RABGAP1L: variants seen among roughly 807,000 people sequenced by gnomAD.
RABGAP1L encodes RAB GTPase activating protein 1 like.
A neutral mutation model predicts 137.7 loss-of-function variants in RABGAP1L; 63 were observed. The observed-to-expected ratio is 0.46, with a 90% confidence interval of 0.37 to 0.56. The LOEUF is 0.56. Among genes scored for constraint, RABGAP1L ranks in the 20% least tolerant of loss-of-function variants. The pLI, the probability that RABGAP1L is intolerant of heterozygous loss-of-function variation, is 0.00. For missense variants in RABGAP1L, 1,095 were observed against 1,244.0 expected (o/e 0.88, Z 1.80); for synonymous variants, 431 against 433.7 (o/e 0.99, Z 0.08).
intron 1 of RABGAP1L, among the ~76,000 whole-genome samples, chr1:174,164,626 C>A (rs567143846): frequency 6.6e-6 from 1 of 152,208 alleles, no homozygotes; most frequent in Admixed American, 6.5e-5. Context: ...ATATTTACAC[C>A]AGGAAATTCA....
intron 13 of RABGAP1L, among the ~76,000 whole-genome samples, chr1:174,533,773 C>T (rs375894097): frequency 3.7e-4 from 57 of 152,044 alleles, no homozygotes; most frequent in Non-Finnish European, 6.2e-4. Flanking sequence ...TGAGTTCAAG[C>T]GATTCTCCTG....
At chr1:174,874,783 C>T (rs765982301) in intron 19 of RABGAP1L, among the ~76,000 whole-genome samples, 12 of 151,830 alleles carry the variant, frequency 7.9e-5, no homozygotes, top group Non-Finnish European at 1.3e-4. Flanking sequence ...GAGAAAATGA[C>T]GGTAGAGTGA....
At chr1:174,597,835 T>C (rs947362991) in intron 13 of RABGAP1L, among the ~76,000 whole-genome samples, 6 of 152,312 alleles carry the variant, frequency 3.9e-5, no homozygotes, top group Admixed American at 2.6e-4. Flanking sequence ...TCCAGAGATA[T>C]TGGTGTGTTG....
intron 19 of RABGAP1L, among the ~76,000 whole-genome samples, chr1:174,901,004 T>C (rs1048666805): frequency 5.9e-5 from 9 of 152,254 alleles, no homozygotes; most frequent in African/African-American, 2.2e-4. Flanking sequence ...TTTATTCTTT[T>C]TTCTCTATTC....
chr1:174,776,844 A>G (rs965531147), intron 18 of RABGAP1L, among the ~76,000 whole-genome samples: 1 of 152,226 alleles, frequency 6.6e-6, no homozygotes, highest in Admixed American at 6.5e-5. Context: ...GGAAAAATGT[A>G]GAGCCTTTTA....
At chr1:174,769,017 A>C (rs1156739939) in intron 18 of RABGAP1L, among the ~76,000 whole-genome samples, 1 of 152,030 alleles carries the variant, frequency 6.6e-6, no homozygotes, top group African/African-American at 2.4e-5. Flanking sequence ...CTGGATTACT[A>C]CTGTCACCAC....
chr1:174,261,594 AAC>A (rs1558079993), intron 7 of RABGAP1L, among the ~76,000 whole-genome samples: 1 of 152,164 alleles, frequency 6.6e-6, no homozygotes, highest in Non-Finnish European at 1.5e-5. Context: ...CTTCTCATGA[AAC>A]AGTTTTTTAG....
chr1:174,195,753 CTCTT>C (rs1316259655), intron 1 of RABGAP1L, among the ~76,000 whole-genome samples: 62 of 119,370 alleles, frequency 5.2e-4, no homozygotes, highest in East Asian at 4.3e-3. Flanking sequence ...CTTTCTTTCT[CTCTT>C]TCTCTCTTTC....
intron 12 of RABGAP1L, among the ~76,000 whole-genome samples, chr1:174,371,586 C>G (rs1234771344): frequency 1.3e-5 from 2 of 151,850 alleles, no homozygotes; most frequent in Non-Finnish European, 2.9e-5. Flanking sequence ...AAAAAGTACT[C>G]TGTTTATATT....
At chr1:174,809,154 A>G (rs990305129) in intron 18 of RABGAP1L, among the ~76,000 whole-genome samples, 13 of 152,172 alleles carry the variant, frequency 8.5e-5, no homozygotes, top group African/African-American at 3.1e-4. Flanking sequence ...ACCTTTGTAT[A>G]CTTGAGCCTC....
chr1:174,261,433 C>G (rs1470361369), intron 7 of RABGAP1L, among the ~76,000 whole-genome samples: 1 of 152,128 alleles, frequency 6.6e-6, no homozygotes, highest in African/African-American at 2.4e-5. Flanking sequence ...TGCTTGCCGG[C>G]TTGCAGCACA....
chr1:174,494,926 G>C (rs1019570536), intron 13 of RABGAP1L, among the ~76,000 whole-genome samples: 1 of 152,142 alleles, frequency 6.6e-6, no homozygotes, highest in Admixed American at 6.5e-5. Flanking sequence ...GCCAAGTCCT[G>C]CCTACTGAGG....
intron 11 of RABGAP1L, among the ~76,000 whole-genome samples, chr1:174,349,865 C>A (rs1682925713): frequency 1.4e-5 from 2 of 142,800 alleles, no homozygotes; most frequent in South Asian, 4.5e-4. Flanking sequence ...GGGCGCTGAC[C>A]CCCCCACCTC....
intron 19 of RABGAP1L, among the ~76,000 whole-genome samples, chr1:174,848,926 C>T (rs1224027032): frequency 4.0e-5 from 6 of 151,090 alleles, no homozygotes; most frequent in South Asian, 2.1e-4. Flanking sequence ...GATATAGTCT[C>T]GTGGTGCGCC....
intron 11 of RABGAP1L, among the ~76,000 whole-genome samples, chr1:174,343,732 T>TG (rs1419395716): frequency 2.6e-5 from 4 of 152,084 alleles, no homozygotes; most frequent in Non-Finnish European, 5.9e-5. Context: ...GGAAGAGCCA[T>TG]GAAAAATCAT....
intron 13 of RABGAP1L, among the ~76,000 whole-genome samples, chr1:174,534,802 A>AAAAAAAAAAAAAAAAAAT (rs1553324953): frequency 2.2e-5 from 3 of 137,264 alleles, no homozygotes; most frequent in East Asian, 2.1e-4. Flanking sequence ...AAAAAAAAAA[A>AAAAAAAAAAAAAAAAAAT]AATAATTAGA....
chr1:174,534,802 A>AAAAAAAAAAAAAAT (rs1553324953), intron 13 of RABGAP1L, among the ~76,000 whole-genome samples: 7 of 137,310 alleles, frequency 5.1e-5, no homozygotes, highest in South Asian at 2.2e-4. Context: ...AAAAAAAAAA[A>AAAAAAAAAAAAAAT]AATAATTAGA....
intron 17 of RABGAP1L, among the ~76,000 whole-genome samples, chr1:174,731,247 C>G (rs1428621851): frequency 1.3e-5 from 2 of 152,188 alleles, no homozygotes; most frequent in African/African-American, 4.8e-5. Context: ...GCTGGGAATA[C>G]AAGCGTGAGC....
chr1:174,191,324 G>C (rs978396191), intron 1 of RABGAP1L, among the ~76,000 whole-genome samples: 3 of 151,934 alleles, frequency 2.0e-5, no homozygotes, highest in African/African-American at 4.9e-5. Context: ...GTTGATTTTT[G>C]AAAACTGGGG....
Sources: allele counts gnomAD v4.1 joint callset (sites outside exome capture counted in the v4.1 genomes callset), GRCh38; gene constraint gnomAD v4.1.1; transcripts MANE v1.5; gene names NCBI Gene and HGNC (gene_info 2026-07-23, HGNC 2026-07-21).